ETS1: variants seen among roughly 807,000 people sequenced by gnomAD.
ETS1 encodes protein C-ets-1.
A neutral mutation model predicts 58.6 loss-of-function variants in ETS1; 15 were observed. The observed-to-expected ratio is 0.26, with a 90% CI of 0.17 to 0.39. The LOEUF (loss-of-function observed/expected upper bound fraction) is 0.39, where lower values mean the gene tolerates loss of function less well. Among genes scored for constraint, ETS1 ranks in the 10% least tolerant of loss-of-function variants. ETS1 has a pLI of 1.00. For missense variants in ETS1, 417 were observed against 610.5 expected (o/e 0.68, Z 3.34); for synonymous variants, 214 against 218.2 (o/e 0.98, Z 0.17).
intron 3 of ETS1, among the ~76,000 whole-genome samples, chr11:128,554,194 A>G (rs1333149229): frequency 6.6e-6 from 1 of 152,158 alleles, no homozygotes; most frequent in African/African-American, 2.4e-5. Context: ...CTTGCCAAAC[A>G]TTTCCATCAG....
At chr11:128,530,567 A>G (rs1274810549) in intron 3 of ETS1, among the ~76,000 whole-genome samples, 1 of 152,142 alleles carries the variant, frequency 6.6e-6, no homozygotes, top group East Asian at 1.9e-4. Context: ...GATCAGAAAC[A>G]TGTGTTCTCC....
intron 2 of ETS1, among the ~76,000 whole-genome samples, chr11:128,566,749 C>G (rs4937351): frequency 0.42 from 62,692 of 150,638 alleles, 13,381 homozygotes; most frequent in East Asian, 0.61. Context: ...CGCCACTGCA[C>G]TCCAGCCTGG....
intron 1 of ETS1, among the ~76,000 whole-genome samples, chr11:128,580,915 A>C (rs1275400116): frequency 1.3e-5 from 2 of 152,200 alleles, no homozygotes; most frequent in Non-Finnish European, 2.9e-5. Context: ...CAAGTCCTGT[A>C]TGAATTGACA....
At chr11:128,577,325 C>T (rs1864771171) in intron 1 of ETS1, among the ~76,000 whole-genome samples, 2 of 152,194 alleles carry the variant, frequency 1.3e-5, no homozygotes, top group Admixed American at 6.5e-5. Flanking sequence ...CTTCTATTCA[C>T]ATAGCTATTT....
chr11:128,503,946 C>CA, intron 3 of ETS1, among the ~76,000 whole-genome samples: 1 of 152,214 alleles, frequency 6.6e-6, no homozygotes, highest in East Asian at 1.9e-4. Context: ...ACACCAAAAA[C>CA]CGATGGTGCC....
intron 2 of ETS1, among the ~76,000 whole-genome samples, chr11:128,565,412 C>A (rs1327765862): frequency 6.6e-6 from 1 of 152,136 alleles, no homozygotes; most frequent in African/African-American, 2.4e-5. Flanking sequence ...AATTTCTATT[C>A]TTTTTGAATT....
chr11:128,559,336 G>A (rs1864367465), intron 2 of ETS1, among the ~76,000 whole-genome samples: 1 of 152,238 alleles, frequency 6.6e-6, no homozygotes, highest in Admixed American at 6.5e-5. Flanking sequence ...AAAATAATGT[G>A]GGTCCACACC....
intron 3 of ETS1, among the ~76,000 whole-genome samples, chr11:128,507,912 G>A (rs903317353): frequency 6.6e-6 from 1 of 152,092 alleles, no homozygotes; most frequent in African/African-American, 2.4e-5. Context: ...AAGACTCCAG[G>A]GCAAAGAGGA....
intron 3 of ETS1, among the ~76,000 whole-genome samples, chr11:128,499,854 C>A (rs988691204): frequency 6.6e-6 from 1 of 151,970 alleles, no homozygotes; most frequent in African/African-American, 2.4e-5. Context: ...CCAGGCTGGG[C>A]AAGGTGTACG....
chr11:128,547,095 G>C (rs1864144372), intron 3 of ETS1, among the ~76,000 whole-genome samples: 1 of 152,202 alleles, frequency 6.6e-6, no homozygotes, highest in South Asian at 2.1e-4. Flanking sequence ...CAATGGAATG[G>C]AAACAACTTC....
rs1363415113 is a variant in ETS1, at chr11:128,584,971, AAAGAAAGAAAGAAAGAAAGG to A, written c.-15+2497_-15+2516del. ...GAAAGAAAGAAAGAAAGAAAGAAAG[AAAGAAAGAAAGAAAGAAAGG>A]AAGGAAGGAAGGAAAGAAAGGAAAG... On this transcript the variant is annotated intron_variant, in intron 1 of 9. Coordinates refer to ENST00000392668, the MANE Select transcript of ETS1 (RefSeq NM_001143820.2). Among the ~76,000 whole-genome samples, 22 of 27,670 alleles carry A rather than the reference AAAGAAAGAAAGAAAGAAAGG, an allele frequency of 8.0e-4. 2 individuals are homozygous for A. The highest frequency in any genetic ancestry group is 4.8e-3 in the African/African-American group (20 of 4,126). 18.2% of individuals were successfully genotyped at this position (27,670 alleles called of 152,430 possible). A position where few individuals can be genotyped will look rare whatever the true frequency, so the allele number is the denominator to read the frequency against.
At chr11:128,527,039 G>A (rs1232932996) in intron 3 of ETS1, 1 of 450,964 alleles carries the variant, frequency 2.2e-6, no homozygotes, top group African/African-American at 2.0e-5. Context: ...TTTGGCAGGA[G>A]AAGTACCAGA....
intron 1 of ETS1, among the ~76,000 whole-genome samples, chr11:128,576,338 T>A (rs1435891301): frequency 3.3e-5 from 5 of 152,054 alleles, no homozygotes; most frequent in Non-Finnish European, 7.4e-5. Flanking sequence ...TTTAGGTAGT[T>A]TTTTTAGTAG....
At position 128,580,887 on chromosome 11, in the gene ETS1, A is replaced by G. The variant is rs1339909224; in HGVS notation, c.-15+6601T>C. 2.6e-5 allele frequency among the ~76,000 whole-genome samples: 4 copies of G among 152,198 alleles called. No individual in the cohort carries two copies. The East Asian group carries it at 7.7e-4, about 29-fold the overall frequency. ...TTCTCTAAAAATAAACCCATCTCCT[A>G]ATTAAGCATAACACTTTCAAGTCCT... On this transcript the variant is annotated intron_variant, in intron 1 of 9. Coordinates refer to ENST00000392668, the MANE Select transcript of ETS1 (RefSeq NM_001143820.2).
chr11:128,552,117 G>A (rs1187548810), intron 3 of ETS1, among the ~76,000 whole-genome samples: 1 of 152,084 alleles, frequency 6.6e-6, no homozygotes, highest in Non-Finnish European at 1.5e-5. Context: ...CTGCTGGTCT[G>A]GGGACCATGC....
chr11:128,583,661 C>A (rs1052749592), intron 1 of ETS1, among the ~76,000 whole-genome samples: 3 of 152,104 alleles, frequency 2.0e-5, no homozygotes, highest in Non-Finnish European at 4.4e-5. Context: ...GACTAAATCT[C>A]TTTTAAATCT....
intron 3 of ETS1, among the ~76,000 whole-genome samples, chr11:128,509,613 G>A (rs918169115): frequency 7.4e-6 from 1 of 134,910 alleles, no homozygotes; most frequent in African/African-American, 2.8e-5. Context: ...TGGTAGATAT[G>A]TATAAGTGAA....
At chr11:128,577,060 A>G (rs1452795568) in intron 1 of ETS1, among the ~76,000 whole-genome samples, 1 of 152,184 alleles carries the variant, frequency 6.6e-6, no homozygotes, top group East Asian at 1.9e-4. Flanking sequence ...GAAGGCAGGC[A>G]CCATGCCTTT....
chr11:128,512,154 G>A (rs914522930), intron 3 of ETS1, among the ~76,000 whole-genome samples: 2 of 152,206 alleles, frequency 1.3e-5, no homozygotes, highest in Non-Finnish European at 1.5e-5. Flanking sequence ...CCACTCAGCA[G>A]CTTTGCAACC....
Sources: allele counts gnomAD v4.1 joint callset (sites outside exome capture counted in the v4.1 genomes callset), GRCh38; gene constraint gnomAD v4.1.1; transcripts MANE v1.5; gene names NCBI Gene and HGNC (gene_info 2026-07-23, HGNC 2026-07-21).